Variants in PPP1R13L observed in about 807,000 individuals in gnomAD.
PPP1R13L encodes protein phosphatase 1 regulatory subunit 13 like, also known as relA-associated inhibitor.
In PPP1R13L, 50 loss-of-function variants were observed where a neutral mutation model predicts 80.9. That is an observed-to-expected ratio of 0.62 (90% CI 0.49 to 0.78). PPP1R13L has a LOEUF of 0.78. Ranked by LOEUF, PPP1R13L falls within the 30% of genes least tolerant of loss-of-function variation. PPP1R13L has a pLI of 0.00. For missense variants in PPP1R13L, 1,200 were observed against 1,205.9 expected (o/e 1.00, Z 0.07); for synonymous variants, 602 against 534.3 (o/e 1.13, Z -1.75).
chr19:45,394,822 A>G (rs1351034560), intron 7 of PPP1R13L: 1 of 148,536 alleles, frequency 6.7e-6, no homozygotes, highest in Non-Finnish European at 1.5e-5. Flanking sequence ...ACATATGTCA[A>G]TAGGATCGAT....
At position 45,392,157 on chromosome 19, in the gene PPP1R13L, AC is replaced by A. The variant is rs34338233; in HGVS notation, c.1537del (p.Val513CysfsTer124). ...GAGGGGCCGGGGAATTTCCGCCAAC[AC>A]CCGTGCCACCTCCTCCAGCTCGGGC... Reference protein sequence around the residue: ...SVPELEEVARVLAEIPRPLKR... With the variant: ...SVPELEEVARXLAEIPRPLKR... On this transcript the variant is annotated frameshift_variant, in exon 8 of 13. Transcript: ENST00000360957. LOFTEE classifies it high-confidence loss of function. 12 of 1,593,248 alleles carry A rather than the reference AC, an allele frequency of 7.5e-6. No individual in the cohort carries two copies. Among genetic ancestry groups the A allele is most frequent in the Non-Finnish European group, 1.0e-5 (12 of 1,168,214 alleles).
At chr19:45,390,534 G>T (rs1364620683) in intron 8 of PPP1R13L, among the ~76,000 whole-genome samples, 1 of 152,084 alleles carries the variant, frequency 6.6e-6, no homozygotes, top group Non-Finnish European at 1.5e-5. Context: ...CGTTCCTCAC[G>T]CTTACTTGAT....
chr19:45,398,250 CT>C lies in PPP1R13L; in HGVS notation c.55+13del. ...GTCCCCGCCTCGCCAGCCCCGCCCCCTACTCCAGCTTACACTGGAAGTTCAT... is the reference window on the plus strand; with the variant it reads ...GTCCCCGCCTCGCCAGCCCCGCCCCCACTCCAGCTTACACTGGAAGTTCAT... On this transcript the variant is annotated intron_variant, in intron 2 of 12. Transcript: ENST00000360957. The C allele has an allele frequency of 1.9e-6, 3 of 1,613,896 alleles. No homozygotes were observed. Among genetic ancestry groups the C allele is most frequent in the Non-Finnish European group, 2.5e-6 (3 of 1,179,884 alleles).
At chr19:45,406,144 G>A (rs577154745), upstream of PPP1R13L, 5 of 309,862 alleles carry the variant, frequency 1.6e-5, no homozygotes, top group East Asian at 5.1e-4. The surrounding 1 kb of genome is among the most constrained non-coding windows in gnomAD (Gnocchi z 4.2). Context: ...CCCCGCCCCT[G>A]GCTGGAACTT....
chr19:45,385,591 C>T lies in PPP1R13L; in HGVS notation c.2219G>A (p.Gly740Asp). The T allele has an allele frequency of 1.2e-6, 2 of 1,613,016 alleles. No individual in the cohort carries two copies. The highest frequency in any genetic ancestry group is 1.7e-6 in the Non-Finnish European group (2 of 1,179,798). The change falls in exon 11 of 13, where the codon GGT becomes GAT. Residue 740 changes from glycine to aspartate, a missense_variant. Physicochemically the swap from Gly to Asp is moderately conservative, Grantham distance 94. Transcript: ENST00000360957. Reference protein sequence around the residue: ...AFEKCDPYREGYADCATYLAD... With the variant: ...AFEKCDPYREDYADCATYLAD... Reference sequence around the variant, plus strand: ...CAGGTAGGTGGCGCAGTCAGCATAACCCTCGCGGTAAGGGTCGCACTTCTC... The same window carrying T: ...CAGGTAGGTGGCGCAGTCAGCATAATCCTCGCGGTAAGGGTCGCACTTCTC...
chr19:45,384,844 C>G (rs1276556083), intron 11 of PPP1R13L, among the ~76,000 whole-genome samples: 2 of 152,110 alleles, frequency 1.3e-5, no homozygotes, highest in Non-Finnish European at 2.9e-5. Context: ...CAGTGAGACT[C>G]TGTCTCAAAA....
chr19:45,381,014 T>A (rs1476911659), intron 12 of PPP1R13L, among the ~76,000 whole-genome samples: 3 of 148,292 alleles, frequency 2.0e-5, no homozygotes, highest in Non-Finnish European at 3.0e-5. Context: ...AAGCTTCCTC[T>A]CCATCTGTTA....
intron 12 of PPP1R13L, among the ~76,000 whole-genome samples, chr19:45,380,668 A>G (rs1449295947): frequency 1.3e-5 from 2 of 152,078 alleles, no homozygotes; most frequent in Non-Finnish European, 2.9e-5. Flanking sequence ...AAACACAAAA[A>G]ATTAGCTGGG....
At chr19:45,380,637 A>G (rs1257217624) in intron 12 of PPP1R13L, among the ~76,000 whole-genome samples, 1 of 152,064 alleles carries the variant, frequency 6.6e-6, no homozygotes, top group Non-Finnish European at 1.5e-5. Context: ...GGTCAACATG[A>G]CGAGACCCTG....
At chr19:45,389,684 C>G (rs1652740996) in intron 8 of PPP1R13L, among the ~76,000 whole-genome samples, 1 of 152,258 alleles carries the variant, frequency 6.6e-6, no homozygotes, top group South Asian at 2.1e-4. Context: ...GTGGCATATG[C>G]CTGTAATCCC....
chr19:45,397,658 A>G (rs962485255), intron 3 of PPP1R13L, among the ~76,000 whole-genome samples: 1 of 151,636 alleles, frequency 6.6e-6, no homozygotes, highest in Non-Finnish European at 1.5e-5. Context: ...GGGTTTCACC[A>G]TGTTAGCCAG....
chr19:45,381,041 A>G (rs1972752488), intron 12 of PPP1R13L, among the ~76,000 whole-genome samples: 1 of 147,308 alleles, frequency 6.8e-6, no homozygotes, highest in East Asian at 1.9e-4. Flanking sequence ...ATATAAATAT[A>G]TATTATATAT....
At position 45,396,552 on chromosome 19, in the gene PPP1R13L, G is replaced by A; in HGVS notation, c.705C>T (p.Arg235=). 1.9e-6 allele frequency: 3 copies of A among 1,543,662 alleles called. No individual in the cohort carries two copies. Among genetic ancestry groups the A allele is most frequent in the Non-Finnish European group, 1.7e-6 (2 of 1,152,420 alleles). Residue 235 remains arginine, a synonymous_variant, in exon 4 of 13, where the codon CGC becomes CGT. Transcript: ENST00000360957. This position sits in a 1 kb window ranked among gnomAD's most constrained non-coding sequence, Gnocchi z 5.3. ...SGGSAFAPPL[R]AQDDLTLRRR... is the part of the protein sequence containing the mutation. ...AGGGGCCCCTGGGTTCACCTTGCGC[G>A]CGCAGAGGCGGGGCGAATGCGCTGC...
chr19:45,391,750 A>G, intron 8 of PPP1R13L, 130 bp downstream of exon 8: 1 of 653,786 alleles, frequency 1.5e-6, no homozygotes, highest in Non-Finnish European at 2.2e-6. Flanking sequence ...TGGGCTGCAA[A>G]CTCTTGGACT....
Position 45,395,872 on chromosome 19 carries a change from G to A in PPP1R13L, c.918C>T (p.Ser306=), listed in dbSNP as rs1244561441. ...CCTTGTAATTGCGCGGCAGGGTGGCGCTAGTGAGGTTGTCCTGGGGAAGAG... is the reference window on the plus strand; with the variant it reads ...CCTTGTAATTGCGCGGCAGGGTGGCACTAGTGAGGTTGTCCTGGGGAAGAG... The part of the protein sequence containing the change: ...LGGTGKDNLT[S]ATLPRNYKVS... Residue 306 remains serine (S), a synonymous_variant, in exon 7 of 13, where the codon AGC becomes AGT. Transcript: ENST00000360957. 1.3e-6 allele frequency: 2 copies of A among 1,592,186 alleles called. No homozygotes were observed. The highest frequency in any genetic ancestry group is 1.7e-6 in the Non-Finnish European group (2 of 1,170,646).
chr19:45,399,682 G>A (rs1216055853), intron 1 of PPP1R13L, among the ~76,000 whole-genome samples: 1 of 151,900 alleles, frequency 6.6e-6, no homozygotes. Context: ...AGCCAGGCGC[G>A]GTGGTTCACT....
intron 12 of PPP1R13L, among the ~76,000 whole-genome samples, chr19:45,382,031 AG>A (rs1378857428): frequency 6.6e-6 from 1 of 152,078 alleles, no homozygotes; most frequent in Non-Finnish European, 1.5e-5. Flanking sequence ...ATTTGAGGTC[AG>A]TAGATCAAAA....
Position 45,386,183 on chromosome 19 carries a change from G to A in PPP1R13L, c.1816-3C>T. The A allele has an allele frequency of 6.6e-7, 1 of 1,514,846 alleles. No individual in the cohort carries two copies. The highest frequency in any genetic ancestry group is 1.8e-4 in the Middle Eastern group (1 of 5,620). The allele number at this position is 1,514,846 out of a possible 1,614,324, so 93.8% of individuals were successfully genotyped here. Reference sequence around the variant, plus strand: ...TTCCGCAGCACAGAGCGCATCTCCTGGGGGACAGGGCGCAGAGGTCAGCGA... The same window carrying A: ...TTCCGCAGCACAGAGCGCATCTCCTAGGGGACAGGGCGCAGAGGTCAGCGA... On this transcript the variant is annotated splice_region_variant and splice_polypyrimidine_tract_variant and intron_variant, in intron 8 of 12. Transcript: ENST00000360957.
At position 45,395,836 on chromosome 19, in the gene PPP1R13L, C is replaced by A; in HGVS notation, c.954G>T (p.Leu318=). 1 of 1,597,534 alleles carries A rather than the reference C, an allele frequency of 6.3e-7. No homozygotes were observed. The highest frequency in any genetic ancestry group is 1.1e-5 in the South Asian group (1 of 88,560). ...TLPRNYKVSP[L]ASDRRSDAGS... ...CCGCGTCTGAACGCCGGTCGCTGGC[C>A]AGAGGAGAGACCTTGTAATTGCGCG... The change falls in exon 7 of 13, where the codon CTG becomes CTT. Residue 318 remains leucine (L), a synonymous_variant. Coordinates refer to ENST00000360957, the MANE Select transcript of PPP1R13L (RefSeq NM_006663.4).
Sources: gnomAD v4.1 joint callset for allele counts (sites outside exome capture counted in the v4.1 genomes callset) on GRCh38, gnomAD v4.1.1 for gene constraint, Gnocchi (gnomAD v3.1) non-coding constraint, MANE v1.5 for transcripts, NCBI Gene and HGNC (gene_info 2026-07-23, HGNC 2026-07-21) for gene names.